Variants in MTERF3 observed in about 807,000 individuals in gnomAD.
MTERF3 encodes mitochondrial transcription termination factor 3, also known as transcription termination factor 3, mitochondrial.
A neutral mutation model predicts 40.5 loss-of-function variants in MTERF3; 40 were observed. That is an observed-to-expected ratio of 0.99 (90% CI 0.77 to 1.29). The LOEUF is 1.29. MTERF3 is among the 50% of genes most tolerant of loss of function. The pLI, the probability that MTERF3 is intolerant of heterozygous loss-of-function variation, is 0.00. For synonymous variants in MTERF3, 158 were observed against 166.6 expected (o/e 0.95, Z 0.40); for missense variants, 452 against 478.2 (o/e 0.95, Z 0.51).
At chr8:96,254,670 C>G (rs893963071) in intron 3 of MTERF3, among the ~76,000 whole-genome samples, 1 of 152,164 alleles carries the variant, frequency 6.6e-6, no homozygotes, top group African/African-American at 2.4e-5. Context: ...TAGGCTGATT[C>G]ACAGAACACT....
At chr8:96,244,416 T>C (rs1203654221) in intron 6 of MTERF3, among the ~76,000 whole-genome samples, 2 of 151,568 alleles carry the variant, frequency 1.3e-5, no homozygotes, top group African/African-American at 2.4e-5. Context: ...GATTTTTTTT[T>C]TTGAGACGGA....
Position 96,250,681 on chromosome 8 carries a change from A to AAGAAGAAGAAGAAGAAGAAGG in MTERF3, c.677+224_677+225insCCTTCTTCTTCTTCTTCTTCT, listed in dbSNP as rs1195195158. ...GAAGAAGAAGAAGAAGAAGAAGAAG[A>AAGAAGAAGAAGAAGAAGAAGG]AGGAGGAGGAGGAGGGGGGGAGGGG... On this transcript the variant is annotated intron_variant, in intron 4 of 7. Coordinates refer to ENST00000287025, the MANE Select transcript of MTERF3 (RefSeq NM_015942.5). Among the ~76,000 whole-genome samples, 19 of 23,336 alleles carry AAGAAGAAGAAGAAGAAGAAGG rather than the reference A, an allele frequency of 8.1e-4. 1 individual carries two copies. The highest frequency in any genetic ancestry group is 0.017 in the Middle Eastern group (1 of 58). 15.3% of individuals were successfully genotyped at this position (23,336 alleles called of 152,430 possible).
In MTERF3 at chr8:96,244,027, G is replaced by A; in HGVS notation, c.951C>T (p.Thr317=). 6.2e-7 allele frequency: 1 copy of A among 1,613,762 alleles called. No homozygotes were observed. The highest frequency in any genetic ancestry group is 1.1e-5 in the South Asian group (1 of 91,062). ...FKHNEIQHMI[T]RIPKMLTANK... is the part of the protein sequence containing the mutation. ...TTGCAGTTAACATCTTTGGGATTCT[G>A]GTGATCATATGTTGAATTTCGTTAT... The change falls in exon 7 of 8, where the codon ACC becomes ACT. Residue 317 remains threonine (T), a synonymous_variant. Transcript: ENST00000287025.
At chr8:96,254,044 T>C (rs1810237180) in intron 3 of MTERF3, among the ~76,000 whole-genome samples, 1 of 152,030 alleles carries the variant, frequency 6.6e-6, no homozygotes, top group African/African-American at 2.4e-5. Flanking sequence ...TCTTAGGTTT[T>C]ATCTTGTATC....
At chr8:96,250,623 G>GAAAGAAGA (rs768266955) in intron 4 of MTERF3, among the ~76,000 whole-genome samples, 1 of 11,112 alleles carries the variant, frequency 9.0e-5, no homozygotes, top group Non-Finnish European at 1.7e-4. Context: ...GGCAGAAGAA[G>GAAAGAAGA]AAGAAGAAGA....
rs1473711875 is a variant in MTERF3, at chr8:96,261,486, C to A, written c.-11+15G>T. ...CAGGAGCGCGATCCTCGTGCTGGGG[C>A]AGCTCCTGCTTTACCTGTGGCGAGG... is the stretch of plus-strand genomic sequence containing the variant. On this transcript the variant is annotated intron_variant, in intron 1 of 7. Coordinates refer to ENST00000287025, the MANE Select transcript of MTERF3 (RefSeq NM_015942.5). 1 of 152,554 alleles carries A rather than the reference C, an allele frequency of 6.6e-6. No individual in the cohort carries two copies. The highest frequency in any genetic ancestry group is 1.5e-5 in the Non-Finnish European group (1 of 68,246). The allele number at this position is 152,554 out of a possible 1,614,324, so 9.5% of individuals were successfully genotyped here. A position where few individuals can be genotyped will look rare whatever the true frequency, so the allele number is the denominator to read the frequency against.
chr8:96,253,612 T>C (rs1162664581), intron 3 of MTERF3, among the ~76,000 whole-genome samples: 2 of 152,158 alleles, frequency 1.3e-5, no homozygotes, highest in Non-Finnish European at 2.9e-5. Context: ...GTTACTATTA[T>C]TTAAGTTACT....
chr8:96,249,041 A>G (rs951607858), intron 4 of MTERF3, among the ~76,000 whole-genome samples: 1 of 152,216 alleles, frequency 6.6e-6, no homozygotes, highest in South Asian at 2.1e-4. Context: ...TCAATGGACT[A>G]TGCTACCGAC....
At position 96,258,168 on chromosome 8, in the gene MTERF3, T is replaced by A. The variant is rs188478443; in HGVS notation, c.334+189A>T. On this transcript the variant is annotated intron_variant, in intron 2 of 7. Coordinates refer to ENST00000287025, the MANE Select transcript of MTERF3 (RefSeq NM_015942.5). ...GTAGCTATAAAATAATCTTACACGTTAGCCCACAAACTTTTTTTCTTACCA... is the reference window on the plus strand; with the variant it reads ...GTAGCTATAAAATAATCTTACACGTAAGCCCACAAACTTTTTTTCTTACCA... 1.3e-4 allele frequency: 108 copies of A among 851,202 alleles called. No homozygotes were observed. The African/African-American group carries it at 1.8e-3, about 14-fold the overall frequency. 52.7% of individuals were successfully genotyped at this position (851,202 alleles called of 1,614,324 possible).
intron 6 of MTERF3, among the ~76,000 whole-genome samples, chr8:96,245,470 C>T (rs560157179): frequency 1.9e-3 from 282 of 152,314 alleles, no homozygotes; most frequent in Non-Finnish European, 3.0e-3. Context: ...CCAAAACTCC[C>T]TGAGACATAC....
rs371518333 is a variant in MTERF3 at position 96,251,094 on chromosome 8, G to A, written c.489C>T (p.Gly163=). 1.4e-5 allele frequency: 22 copies of A among 1,568,146 alleles called. No individual in the cohort carries two copies. Among genetic ancestry groups the A allele is most frequent in the South Asian group, 3.6e-5 (3 of 83,018 alleles). ...SETLQKLVLL[G]VDLSKIEKHP... Reference sequence around the variant, plus strand: ...GTTTTTCTATCTTGGACAAATCCACGCCTATAATAAATTATAAATACTGTT... The same window carrying A: ...GTTTTTCTATCTTGGACAAATCCACACCTATAATAAATTATAAATACTGTT... The change falls in exon 4 of 8, where the codon GGC becomes GGT. Residue 163 remains glycine (G), a splice_region_variant and synonymous_variant. Coordinates refer to ENST00000287025, the MANE Select transcript of MTERF3 (RefSeq NM_015942.5).
chr8:96,246,889 A>AT (rs1280973716), intron 4 of MTERF3, among the ~76,000 whole-genome samples: 1 of 152,092 alleles, frequency 6.6e-6, no homozygotes, highest in East Asian at 1.9e-4. Flanking sequence ...AATAACACAA[A>AT]TTAAGAAAAT....
chr8:96,252,630 A>C (rs1322721742), intron 3 of MTERF3, among the ~76,000 whole-genome samples: 1 of 152,242 alleles, frequency 6.6e-6, no homozygotes, highest in East Asian at 1.9e-4. Flanking sequence ...GTAATTTAAA[A>C]ATAATATTAG....
At position 96,239,628 on chromosome 8, in the gene MTERF3, C is replaced by T; in HGVS notation, c.1117G>A (p.Gly373Arg). 1 of 1,609,600 alleles carries T rather than the reference C, an allele frequency of 6.2e-7. No individual in the cohort carries two copies. The highest frequency in any genetic ancestry group is 8.5e-7 in the Non-Finnish European group (1 of 1,179,050). Residue 373 changes from glycine to arginine, a missense_variant, in exon 8 of 8, where the codon GGA becomes AGA. Gly to Arg is a moderately radical substitution (Grantham distance 125, BLOSUM62 -2). Transcript: ENST00000287025. ...KERHLFLTYL[G>R]RAQYDPAKPN... is the part of the protein sequence containing the mutation. ...TTTGCTGGATCATACTGTGCTCTTCCTAAATAGGTAAGAAACAAGTGTCTT... is the reference window on the plus strand; with the variant it reads ...TTTGCTGGATCATACTGTGCTCTTCTTAAATAGGTAAGAAACAAGTGTCTT...
chr8:96,246,417 C>G lies in MTERF3; in HGVS notation c.715G>C (p.Asp239His). Residue 239 changes from aspartate (D) to histidine (H), a missense_variant, in exon 5 of 8, where the codon GAT becomes CAT. Asp to His is a moderately conservative substitution (Grantham distance 81). Coordinates refer to ENST00000287025, the MANE Select transcript of MTERF3 (RefSeq NM_015942.5). ...GCTTTTCTGACCATCTGTGCAACAT[C>G]TGCTTTACTGAAATTTTTTGAATGC... ...YLHSKNFSKA[D>H]VAQMVRKAPF... 1.9e-6 allele frequency: 3 copies of G among 1,611,416 alleles called. No homozygotes were observed. Among genetic ancestry groups the G allele is most frequent in the Non-Finnish European group, 2.5e-6 (3 of 1,179,206 alleles).
chr8:96,246,295 C>T lies in MTERF3; in HGVS notation c.825+12G>A. On this transcript the variant is annotated intron_variant, in intron 5 of 7. Transcript: ENST00000287025. Reference sequence around the variant, plus strand: ...TGACATGGAAATAAACAAATTCTCTCCTTTTCTTTACCTTCTTCACACTAA... The same window carrying T: ...TGACATGGAAATAAACAAATTCTCTTCTTTTCTTTACCTTCTTCACACTAA... 6.3e-7 allele frequency: 1 copy of T among 1,586,046 alleles called. No homozygotes were observed. The highest frequency in any genetic ancestry group is 8.5e-7 in the Non-Finnish European group (1 of 1,172,022).
rs573572213 is a variant in MTERF3 at position 96,250,691 on chromosome 8, A to G, written c.677+215T>C. ...AAGAAGAAGAAGAAGAAGGAGGAGG[A>G]GGAGGGGGGGAGGGGGAGGGGGAGA... On this transcript the variant is annotated intron_variant, in intron 4 of 7. Transcript: ENST00000287025. Among the ~76,000 whole-genome samples the G allele has an allele frequency of 1.7e-3, 42 of 24,674 alleles. 3 individuals carry two copies. The highest frequency in any genetic ancestry group is 6.0e-3 in the African/African-American group (30 of 4,980). The allele number at this position is 24,674 out of a possible 152,430, so 16.2% of individuals were successfully genotyped here.
intron 7 of MTERF3, 54 bp from the exon 8 acceptor site, chr8:96,239,739 T>G: frequency 2.1e-6 from 3 of 1,441,814 alleles, no homozygotes; most frequent in Non-Finnish European, 2.8e-6. Context: ...GGATGAAATA[T>G]TAAAAAGTTT....
intron 4 of MTERF3, among the ~76,000 whole-genome samples, chr8:96,248,819 T>C (rs909570299): frequency 1.3e-5 from 2 of 152,176 alleles, no homozygotes; most frequent in East Asian, 1.9e-4. Context: ...AATAAGTACA[T>C]GAAATCAGTG....
Sources: gnomAD v4.1 joint callset for allele counts (sites outside exome capture counted in the v4.1 genomes callset) on GRCh38, gnomAD v4.1.1 for gene constraint, MANE v1.5 for transcripts, NCBI Gene and HGNC (gene_info 2026-07-23, HGNC 2026-07-21) for gene names.